PKIB: variants seen among roughly 807,000 people sequenced by gnomAD.
PKIB encodes the protein cAMP-dependent protein kinase inhibitor beta.
In PKIB, 2 loss-of-function variants were observed where a neutral mutation model predicts 4.5. That is an observed-to-expected ratio of 0.44 (90% CI 0.18 to 1.39). PKIB has a LOEUF of 1.39. Among genes scored for constraint, PKIB ranks in the 40% most tolerant of loss-of-function variants. The probability of loss-of-function intolerance (pLI) is 0.27; values close to 1 mark genes in which losing one functional copy is unlikely to be tolerated. For missense variants in PKIB, 94 were observed against 92.6 expected, an observed-to-expected ratio of 1.02 and a Z score of -0.06; for synonymous variants, 38 against 36.0, an observed-to-expected ratio of 1.06 and a Z score of -0.20.
At chr6:122,694,327 G>T (rs967541268) in intron 3 of PKIB, among the ~76,000 whole-genome samples, 1 of 152,194 alleles carries the variant, frequency 6.6e-6, no homozygotes, top group Non-Finnish European at 1.5e-5. Context: ...AGACTTCCCA[G>T]CTGAGTCTTA....
intron 2 of PKIB, among the ~76,000 whole-genome samples, chr6:122,649,391 A>T (rs1409459673): frequency 6.6e-6 from 1 of 152,196 alleles, no homozygotes; most frequent in Non-Finnish European, 1.5e-5. Flanking sequence ...CACTCTCTAC[A>T]TTCAGTAGAG....
At chr6:122,675,750 C>T (rs1037984561) in intron 3 of PKIB, among the ~76,000 whole-genome samples, 1 of 151,678 alleles carries the variant, frequency 6.6e-6, no homozygotes, top group Middle Eastern at 3.2e-3. Flanking sequence ...CACACATTTT[C>T]ACAAACAAAT....
chr6:122,522,631 C>G (rs891906433), intron 2 of PKIB, among the ~76,000 whole-genome samples: 3 of 152,134 alleles, frequency 2.0e-5, no homozygotes, highest in Admixed American at 2.0e-4. Context: ...CTGGATAGCT[C>G]TGTCCCTCAT....
At position 122,574,044 on chromosome 6, in the gene PKIB, T is replaced by C. The variant is rs6914094; in HGVS notation, c.-247-11877T>C. On this transcript the variant is annotated intron_variant, in intron 2 of 6. Coordinates refer to the PKIB transcript ENST00000392491. ...AACCCCAAAGACCCATCCAAAAAGC[T>C]CCTGCATTTGATAAACTCAGTAAAG... 2.2e-3 allele frequency among the ~76,000 whole-genome samples: 333 copies of C among 152,284 alleles called. 1 individual carries two copies. The highest frequency in any genetic ancestry group is 7.8e-3 in the African/African-American group (326 of 41,554).
chr6:122,649,227 C>G (rs1776449798), intron 2 of PKIB, among the ~76,000 whole-genome samples: 1 of 152,186 alleles, frequency 6.6e-6, no homozygotes, highest in Non-Finnish European at 1.5e-5. Context: ...CTGTTGACCA[C>G]AGCCCATCAG....
intron 1 of PKIB, among the ~76,000 whole-genome samples, chr6:122,617,170 A>T (rs563915872): frequency 1.1e-3 from 172 of 152,144 alleles, no homozygotes; most frequent in African/African-American, 3.9e-3. Context: ...CATCTACCGT[A>T]TGCACTACCT....
At chr6:122,485,143 C>T (rs1176887509) in intron 2 of PKIB, among the ~76,000 whole-genome samples, 2 of 152,036 alleles carry the variant, frequency 1.3e-5, no homozygotes, top group African/African-American at 2.4e-5. Flanking sequence ...ATTTGTGAAT[C>T]GTGCCTTGCT....
At chr6:122,496,519 A>T (rs1056189569) in intron 2 of PKIB, among the ~76,000 whole-genome samples, 1 of 152,232 alleles carries the variant, frequency 6.6e-6, no homozygotes, top group African/African-American at 2.4e-5. Context: ...GGAAAAGATA[A>T]ATCTTCTAAA....
chr6:122,602,022 T>A (rs2114742047), intron 3 of PKIB, among the ~76,000 whole-genome samples: 1 of 151,910 alleles, frequency 6.6e-6, no homozygotes, highest in African/African-American at 2.4e-5. Context: ...TTTTTTTTTT[T>A]TATAAATACA....
intron 2 of PKIB, among the ~76,000 whole-genome samples, chr6:122,549,251 TA>T (rs1306442840): frequency 6.6e-6 from 1 of 152,074 alleles, no homozygotes; most frequent in Non-Finnish European, 1.5e-5. Flanking sequence ...TATGAGGCAA[TA>T]AAAAAAGCAT....
At chr6:122,476,175 T>C (rs1775448203) in intron 1 of PKIB, among the ~76,000 whole-genome samples, 1 of 152,202 alleles carries the variant, frequency 6.6e-6, no homozygotes. Context: ...AATTTGTGCA[T>C]AGTTTGTTAT....
At chr6:122,611,500 C>T (rs1455504868) in intron 1 of PKIB, among the ~76,000 whole-genome samples, 1 of 152,104 alleles carries the variant, frequency 6.6e-6, no homozygotes, top group African/African-American at 2.4e-5. Context: ...AGGCGAATGA[C>T]CACTTAAACG....
intron 3 of PKIB, among the ~76,000 whole-genome samples, chr6:122,603,959 T>G (rs1313297183): frequency 6.6e-6 from 1 of 152,192 alleles, no homozygotes; most frequent in Non-Finnish European, 1.5e-5. Context: ...GGGAGAATGG[T>G]TAGTGTGTGT....
At chr6:122,629,733 A>G (rs1775615245) in intron 1 of PKIB, among the ~76,000 whole-genome samples, 1 of 152,194 alleles carries the variant, frequency 6.6e-6, no homozygotes, top group Admixed American at 6.5e-5. Context: ...CTTCCTCCCA[A>G]AATCTCATAG....
intron 2 of PKIB, among the ~76,000 whole-genome samples, chr6:122,663,192 C>T (rs1777077839): frequency 6.6e-6 from 1 of 152,154 alleles, no homozygotes; most frequent in African/African-American, 2.4e-5. Flanking sequence ...ATACCTGGCT[C>T]ATTTCAAACC....
At position 122,576,710 on chromosome 6, in the gene PKIB, A is replaced by ATTTT. The variant is rs761840714; in HGVS notation, c.-247-9210_-247-9207dup. Among the ~76,000 whole-genome samples, 41 of 109,986 alleles carry ATTTT rather than the reference A, an allele frequency of 3.7e-4. 1 individual carries two copies. Among genetic ancestry groups the ATTTT allele is most frequent in the African/African-American group, 1.4e-3 (36 of 25,280 alleles). The allele number at this position is 109,986 out of a possible 152,430, so 72.2% of individuals were successfully genotyped here. A position where few individuals can be genotyped will look rare whatever the true frequency, so the allele number is the denominator to read the frequency against. The stretch of plus-strand genomic sequence containing the variant: ...AAAAAATATATATATATATATATAT[A>ATTTT]TTTTCTTTTGTATAATTATACCTCA... On this transcript the variant is annotated intron_variant, in intron 2 of 6. Coordinates refer to the PKIB transcript ENST00000392491.
At chr6:122,675,833 G>C (rs1006426510) in intron 3 of PKIB, among the ~76,000 whole-genome samples, 1 of 151,942 alleles carries the variant, frequency 6.6e-6, no homozygotes, top group Non-Finnish European at 1.5e-5. Flanking sequence ...AAAAAATCAT[G>C]TCTAATGAAG....
chr6:122,722,529 A>C (rs1490131558), intron 4 of PKIB, among the ~76,000 whole-genome samples: 2 of 152,212 alleles, frequency 1.3e-5, no homozygotes, highest in African/African-American at 4.8e-5. Context: ...TCTGAAAGCT[A>C]TAAAGCTTTG....
At chr6:122,492,405 G>C (rs1352982915) in intron 2 of PKIB, among the ~76,000 whole-genome samples, 2 of 152,080 alleles carry the variant, frequency 1.3e-5, no homozygotes, top group Non-Finnish European at 1.5e-5. Context: ...GTTACTTCGG[G>C]CTCTTTATCA....
Sources: gnomAD v4.1 joint callset for allele counts (sites outside exome capture counted in the v4.1 genomes callset) on GRCh38, gnomAD v4.1.1 for gene constraint, MANE v1.5 for transcripts, NCBI Gene and HGNC (gene_info 2026-07-23, HGNC 2026-07-21) for gene names.